The following RNF216 variants were observed in gnomAD, a reference collection of about 807,000 sequenced individuals.
RNF216 encodes E3 ubiquitin-protein ligase RNF216.
In RNF216, 72 loss-of-function variants were observed where a neutral mutation model predicts 110.8. The observed-to-expected ratio is 0.65, with a 90% CI of 0.54 to 0.79. The LOEUF is 0.79. RNF216 is among the 30% of genes least tolerant of loss of function. The probability of loss-of-function intolerance (pLI) is 0.00; values close to 1 mark genes in which losing one functional copy is unlikely to be tolerated. For missense variants in RNF216, 1,342 were observed against 1,141.2 expected, an observed-to-expected ratio of 1.18 and a Z score of -2.54; for synonymous variants, 495 against 407.5, an observed-to-expected ratio of 1.21 and a Z score of -2.59.
At chr7:5,683,929 T>C (rs950626436) in intron 13 of RNF216, among the ~76,000 whole-genome samples, 3 of 151,904 alleles carry the variant, frequency 2.0e-5, no homozygotes, top group African/African-American at 7.3e-5. Context: ...CGGGCATCAC[T>C]TGTGTCTGGT....
rs1399013290 is a variant in RNF216, at chr7:5,624,538, G to A, written c.2383-413C>T. ...CTCGGCATGGCAGCCTGTCTGCAGA[G>A]CCTGGAAAAGTCTTGCAGATGTCCT... On this transcript the variant is annotated intron_variant, in intron 15 of 16. Coordinates refer to ENST00000389902, the MANE Select transcript of RNF216 (RefSeq NM_207111.4). The surrounding 1 kb of genome is among the most constrained non-coding windows in gnomAD (Gnocchi z 4.4). Among the ~76,000 whole-genome samples, 1 of 152,250 alleles carries A rather than the reference G, an allele frequency of 6.6e-6. No individual in the cohort carries two copies. Among genetic ancestry groups the A allele is most frequent in the Admixed American group, 6.5e-5 (1 of 15,292 alleles).
chr7:5,642,054 A>AAG (rs1787766815), intron 14 of RNF216, among the ~76,000 whole-genome samples: 2 of 151,066 alleles, frequency 1.3e-5, no homozygotes, highest in Non-Finnish European at 2.9e-5. Flanking sequence ...AAGAAAAAAA[A>AAG]AAAGAAAGAA....
At chr7:5,625,393 G>C (rs1786646191) in intron 15 of RNF216, among the ~76,000 whole-genome samples, 1 of 152,176 alleles carries the variant, frequency 6.6e-6, no homozygotes, top group Non-Finnish European at 1.5e-5. Flanking sequence ...CTAAATATCT[G>C]GCCAATTTCT....
chr7:5,673,198 G>A (rs1562812443), intron 13 of RNF216, among the ~76,000 whole-genome samples: 1 of 152,186 alleles, frequency 6.6e-6, no homozygotes, highest in Non-Finnish European at 1.5e-5. Flanking sequence ...CCCAAGCGGG[G>A]GAAGTCAGTG....
At chr7:5,751,745 C>G (rs373598166) in intron 3 of RNF216, among the ~76,000 whole-genome samples, 134 of 147,252 alleles carry the variant, frequency 9.1e-4, no homozygotes, top group Non-Finnish European at 1.6e-3. Flanking sequence ...CTCCTCAGCT[C>G]AGTGGAACAC....
intron 13 of RNF216, among the ~76,000 whole-genome samples, chr7:5,661,628 T>G (rs1004323434): frequency 1.3e-5 from 2 of 151,928 alleles, no homozygotes; most frequent in Non-Finnish European, 2.9e-5. Flanking sequence ...CATGGTGACA[T>G]CTCGTCTCTA....
intron 15 of RNF216, among the ~76,000 whole-genome samples, chr7:5,629,600 G>A (rs867123286): frequency 2.6e-5 from 4 of 152,038 alleles, no homozygotes; most frequent in East Asian, 1.9e-4. Flanking sequence ...AGGCCGAGGC[G>A]GGCGGATCAC....
At chr7:5,716,872 A>C in intron 9 of RNF216, 106 bp from the exon 10 acceptor site, 1 of 844,274 alleles carries the variant, frequency 1.2e-6, no homozygotes, top group Non-Finnish European at 1.9e-6. Context: ...CGATCTCTTC[A>C]ATTACACAGT....
intron 3 of RNF216, among the ~76,000 whole-genome samples, chr7:5,746,863 A>T (rs1419372952): frequency 6.6e-6 from 1 of 152,186 alleles, no homozygotes; most frequent in Non-Finnish European, 1.5e-5. Flanking sequence ...CAAGAAATTC[A>T]CTTGAATCCT....
At chr7:5,645,737 C>T (rs1003370190) in intron 14 of RNF216, among the ~76,000 whole-genome samples, 10 of 152,030 alleles carry the variant, frequency 6.6e-5, no homozygotes, top group Non-Finnish European at 1.5e-4. Context: ...ACTACAGGCG[C>T]CCGCCACCAC....
intron 14 of RNF216, chr7:5,649,503 T>C (rs547358106): frequency 6.6e-6 from 1 of 152,102 alleles, no homozygotes; most frequent in South Asian, 2.1e-4. Context: ...AATAAGACAC[T>C]GTCTCAAGGC....
intron 1 of RNF216, among the ~76,000 whole-genome samples, chr7:5,773,613 G>A (rs947240314): frequency 6.6e-6 from 1 of 152,030 alleles, no homozygotes; most frequent in Non-Finnish European, 1.5e-5. Context: ...TGTCACCCAG[G>A]CTGGAGTGCA....
At chr7:5,632,996 T>C (rs1433038940) in intron 15 of RNF216, among the ~76,000 whole-genome samples, 2 of 151,974 alleles carry the variant, frequency 1.3e-5, no homozygotes, top group African/African-American at 4.8e-5. Flanking sequence ...TCTGTTTTTT[T>C]TGAGACAGAG....
At chr7:5,649,175 A>G (rs949223260) in intron 14 of RNF216, among the ~76,000 whole-genome samples, 1 of 152,148 alleles carries the variant, frequency 6.6e-6, no homozygotes, top group East Asian at 1.9e-4. Context: ...TGAGGTCAGG[A>G]GTTCGAGACC....
chr7:5,676,321 C>CA (rs1790292491), intron 13 of RNF216, among the ~76,000 whole-genome samples: 1 of 152,172 alleles, frequency 6.6e-6, no homozygotes, highest in Non-Finnish European at 1.5e-5. Context: ...CTTTCCATGC[C>CA]AAAGAAATTT....
intron 13 of RNF216, among the ~76,000 whole-genome samples, chr7:5,691,311 C>T (rs553181644): frequency 5.6e-4 from 85 of 152,356 alleles, no homozygotes; most frequent in African/African-American, 1.8e-3. Flanking sequence ...ACTTTACTCA[C>T]TGCTCCTTAC....
At chr7:5,748,970 C>G (rs1474699245) in intron 3 of RNF216, among the ~76,000 whole-genome samples, 1 of 152,056 alleles carries the variant, frequency 6.6e-6, no homozygotes, top group East Asian at 1.9e-4. Context: ...TGGTATTTCT[C>G]TACCAAAATA....
intron 13 of RNF216, among the ~76,000 whole-genome samples, chr7:5,658,378 C>T (rs1262665989): frequency 2.0e-5 from 3 of 152,008 alleles, no homozygotes; most frequent in Admixed American, 1.3e-4. Context: ...TATTTTGGGC[C>T]GGGCACAGTG....
intron 1 of RNF216, among the ~76,000 whole-genome samples, chr7:5,773,403 A>G (rs1796605245): frequency 6.7e-6 from 1 of 150,234 alleles, no homozygotes; most frequent in Non-Finnish European, 1.5e-5. Flanking sequence ...CCACCAAACA[A>G]GCTAGTTTTT....
Sources: allele counts gnomAD v4.1 joint callset (sites outside exome capture counted in the v4.1 genomes callset), GRCh38; gene constraint gnomAD v4.1.1; non-coding constraint Gnocchi (gnomAD v3.1); transcripts MANE v1.5; gene names NCBI Gene and HGNC (gene_info 2026-07-23, HGNC 2026-07-21).